Variants in EIF5A2 observed in about 807,000 individuals in gnomAD.
EIF5A2 encodes the protein eukaryotic translation initiation factor 5A2.
A neutral mutation model predicts 16.4 loss-of-function variants in EIF5A2; 15 were observed. That is an observed-to-expected ratio of 0.92 (90% CI 0.61 to 1.41). The LOEUF (loss-of-function observed/expected upper bound fraction) is 1.41, where lower values mean the gene tolerates loss of function less well. Ranked by LOEUF, EIF5A2 falls within the 40% of genes most tolerant of loss-of-function variation. The probability of loss-of-function intolerance (pLI) is 0.00; values close to 1 mark genes in which losing one functional copy is unlikely to be tolerated. For missense variants in EIF5A2, 144 were observed against 189.5 expected, an observed-to-expected ratio of 0.76 and a Z score of 1.41; for synonymous variants, 48 against 61.1, an observed-to-expected ratio of 0.79 and a Z score of 1.00.
chr3:170,906,953 G>A (rs1291726643), intron 3 of EIF5A2, 36 bp downstream of exon 3: 1 of 1,435,840 alleles, frequency 7.0e-7, no homozygotes, highest in East Asian at 2.3e-5. Flanking sequence ...GCACCTTGAA[G>A]AAACAAGCAA....
chr3:170,895,446 T>C (rs1033958160), intron 3 of EIF5A2, among the ~76,000 whole-genome samples: 2 of 152,206 alleles, frequency 1.3e-5, no homozygotes, highest in African/African-American at 4.8e-5. Context: ...ACTCATTTAT[T>C]CTATTAATAA....
At chr3:170,907,582 G>C in intron 2 of EIF5A2, 60 bp downstream of exon 2, 1 of 1,467,082 alleles carries the variant, frequency 6.8e-7, no homozygotes, top group African/African-American at 1.4e-5. Context: ...ATCTGTAACG[G>C]AATACAAATG....
At chr3:170,907,125 C>T (rs1469547810) in intron 2 of EIF5A2, 32 bp from the exon 3 acceptor site, 1 of 1,454,384 alleles carries the variant, frequency 6.9e-7, no homozygotes. Flanking sequence ...CCTGTTTAAT[C>T]TCTGCCAAGT....
chr3:170,898,969 A>G (rs1712739267), intron 3 of EIF5A2, among the ~76,000 whole-genome samples: 1 of 152,038 alleles, frequency 6.6e-6, no homozygotes, highest in African/African-American at 2.4e-5. Flanking sequence ...ACTTCAGTGT[A>G]TTTTTCTCAA....
intron 2 of EIF5A2, 97 bp from the exon 3 acceptor site, chr3:170,907,190 C>A (rs1210703051): frequency 1.4e-6 from 1 of 701,788 alleles, no homozygotes; most frequent in East Asian, 2.8e-5. Flanking sequence ...ACAACAGATT[C>A]TTTTTCTCCT....
chr3:170,908,246 T>C (rs1045373794), intron 1 of EIF5A2, among the ~76,000 whole-genome samples: 37 of 152,106 alleles, frequency 2.4e-4, no homozygotes, highest in Admixed American at 2.4e-3. Context: ...TAACAGAACC[T>C]GGCCAGCAGC....
rs1247700279 is a variant in EIF5A2, at chr3:170,889,750, T to G, written c.*3610A>C. The stretch of plus-strand genomic sequence containing the variant: ...ATTTATCTATTATCCCTAAATATGT[T>G]TGGTGAACCTCTACATCAATGCCTG... On this transcript the variant is annotated 3_prime_UTR_variant, in exon 5 of 5. Transcript: ENST00000295822. The G allele has an allele frequency of 6.6e-6, 1 of 152,658 alleles. No homozygotes were observed. Among genetic ancestry groups the G allele is most frequent in the South Asian group, 2.1e-4 (1 of 4,824 alleles). The allele number at this position is 152,658 out of a possible 1,614,324, so 9.5% of individuals were successfully genotyped here.
In EIF5A2 at chr3:170,894,234, T is replaced by C. The variant is rs1355470014; in HGVS notation, c.402+58A>G. On this transcript the variant is annotated intron_variant, in intron 4 of 4. Transcript: ENST00000295822. Reference sequence around the variant, plus strand: ...ATATGTAGTATTTTATGTTAACTAGTTGAGGTCAAAGTTTTTATAAAATGG... The same window carrying C: ...ATATGTAGTATTTTATGTTAACTAGCTGAGGTCAAAGTTTTTATAAAATGG... 6 of 1,572,056 alleles carry C rather than the reference T, an allele frequency of 3.8e-6. No individual in the cohort carries two copies. The East Asian group carries it at 9.0e-5, about 24-fold the overall frequency.
intron 3 of EIF5A2, among the ~76,000 whole-genome samples, chr3:170,900,366 CAAAA>C (rs1168908597): frequency 1.1e-4 from 7 of 64,150 alleles, no homozygotes; most frequent in African/African-American, 2.4e-4. Context: ...GACTCCATCT[CAAAA>C]AAAAAAAAAA....
At chr3:170,897,651 T>C (rs1712707020) in intron 3 of EIF5A2, among the ~76,000 whole-genome samples, 1 of 152,158 alleles carries the variant, frequency 6.6e-6, no homozygotes, top group African/African-American at 2.4e-5. Flanking sequence ...AGAGGATGTA[T>C]GAAATGCCTG....
rs185649684 is a variant in EIF5A2 at position 170,889,761 on chromosome 3, C to T, written c.*3599G>A. 1 of 152,586 alleles carries T rather than the reference C, an allele frequency of 6.6e-6. No individual in the cohort carries two copies. The highest frequency in any genetic ancestry group is 1.5e-5 in the Non-Finnish European group (1 of 67,956). The allele number at this position is 152,586 out of a possible 1,614,324, so 9.5% of individuals were successfully genotyped here. Reference sequence around the variant, plus strand: ...ATCCCTAAATATGTTTGGTGAACCTCTACATCAATGCCTGGCTCCAAAACT... The same window carrying T: ...ATCCCTAAATATGTTTGGTGAACCTTTACATCAATGCCTGGCTCCAAAACT... On this transcript the variant is annotated 3_prime_UTR_variant, in exon 5 of 5. Transcript: ENST00000295822.
At chr3:170,894,026 G>A (rs1053119577) in intron 4 of EIF5A2, among the ~76,000 whole-genome samples, 24 of 145,150 alleles carry the variant, frequency 1.7e-4, no homozygotes, top group African/African-American at 3.5e-4. Flanking sequence ...GGGAGACTCC[G>A]TCTCAAAAAA....
At chr3:170,906,867 C>A in intron 3 of EIF5A2, 122 bp downstream of exon 3, 1 of 530,940 alleles carries the variant, frequency 1.9e-6, no homozygotes, top group Non-Finnish European at 3.2e-6. Context: ...ATAGCTGGTG[C>A]CTAATAATTG....
At chr3:170,897,031 C>A (rs1004707014) in intron 3 of EIF5A2, among the ~76,000 whole-genome samples, 12 of 152,326 alleles carry the variant, frequency 7.9e-5, no homozygotes, top group African/African-American at 2.9e-4. Flanking sequence ...CCCTAGAGAT[C>A]TGTGGAACTA....
rs955790255 is a variant in EIF5A2, at chr3:170,888,928, C to A, written c.*4432G>T. 1 of 151,912 alleles carries A rather than the reference C, an allele frequency of 6.6e-6. No homozygotes were observed. The highest frequency in any genetic ancestry group is 2.4e-5 in the African/African-American group (1 of 41,328). 9.4% of individuals were successfully genotyped at this position (151,912 alleles called of 1,614,324 possible). On this transcript the variant is annotated 3_prime_UTR_variant, in exon 5 of 5. Coordinates refer to ENST00000295822, the MANE Select transcript of EIF5A2 (RefSeq NM_020390.6). ...CAACTATGATGTGTGACAAGCTGTT[C>A]GGTCATTGCTGAAAATAGTCCAGAG...
In EIF5A2 at chr3:170,894,404, C is replaced by A; in HGVS notation, c.290G>T (p.Gly97Val). 6.2e-7 allele frequency: 1 copy of A among 1,613,890 alleles called. No individual in the cohort carries two copies. Among genetic ancestry groups the A allele is most frequent in the Non-Finnish European group, 8.5e-7 (1 of 1,179,890 alleles). The part of the protein sequence containing the change: ...NDYQLICIQD[G>V]YLSLLTETGE... Reference sequence around the variant, plus strand: ...AGTTTCTGTCAGCAGGGAAAGGTAACCATCTTGAATGCATATCAGCTATTA... The same window carrying A: ...AGTTTCTGTCAGCAGGGAAAGGTAAACATCTTGAATGCATATCAGCTATTA... Residue 97 changes from glycine to valine, a missense_variant, in exon 4 of 5, where the codon GGT (glycine) becomes GTT (valine). Physicochemically the swap from Gly to Val is moderately radical, Grantham distance 109. Transcript: ENST00000295822.
intron 3 of EIF5A2, among the ~76,000 whole-genome samples, chr3:170,905,479 A>G (rs913798990): frequency 1.3e-5 from 2 of 152,254 alleles, no homozygotes; most frequent in Non-Finnish European, 2.9e-5. Context: ...TACTGAATAT[A>G]ATTAATATTG....
intron 3 of EIF5A2, among the ~76,000 whole-genome samples, chr3:170,897,958 G>A (rs892386756): frequency 6.6e-6 from 1 of 152,222 alleles, no homozygotes; most frequent in East Asian, 1.9e-4. Context: ...TTTTGGATCA[G>A]TGTGCCCTGG....
intron 3 of EIF5A2, among the ~76,000 whole-genome samples, chr3:170,902,524 C>T (rs973269300): frequency 6.0e-5 from 9 of 151,194 alleles, no homozygotes; most frequent in African/African-American, 2.2e-4. Context: ...CTGCCTCAGC[C>T]TCCCAAGTAG....
Sources: gnomAD v4.1 joint callset for allele counts (sites outside exome capture counted in the v4.1 genomes callset) on GRCh38, gnomAD v4.1.1 for gene constraint, MANE v1.5 for transcripts, NCBI Gene and HGNC (gene_info 2026-07-23, HGNC 2026-07-21) for gene names.